Variants in PPP1R14C observed in about 807,000 individuals in gnomAD.
PPP1R14C encodes the protein protein phosphatase 1 regulatory inhibitor subunit 14C, also known as protein phosphatase 1 regulatory subunit 14C.
Under a neutral mutation model 20.4 loss-of-function variants are expected in PPP1R14C, and 16 were observed. The observed-to-expected ratio is 0.78, with a 90% CI of 0.53 to 1.19. The LOEUF is 1.19. Ranked by LOEUF, PPP1R14C falls within the 50% of genes most tolerant of loss-of-function variation. The pLI is 0.00. For missense variants in PPP1R14C, 211 were observed against 220.1 expected (o/e 0.96, Z 0.26); for synonymous variants, 91 against 91.0 (o/e 1.00, Z 0.00).
chr6:150,191,353 A>G (rs779864024), intron 1 of PPP1R14C, among the ~76,000 whole-genome samples: 1 of 152,232 alleles, frequency 6.6e-6, no homozygotes, highest in Non-Finnish European at 1.5e-5. Flanking sequence ...TTCCTGCTCT[A>G]TTCCCAGCAT....
chr6:150,216,031 T>C (rs1163343647), intron 2 of PPP1R14C, among the ~76,000 whole-genome samples: 2 of 152,218 alleles, frequency 1.3e-5, no homozygotes, highest in Non-Finnish European at 2.9e-5. Flanking sequence ...CCGGGTTATA[T>C]CCAGTTAATT....
At chr6:150,197,814 T>TG (rs1562266925) in intron 1 of PPP1R14C, among the ~76,000 whole-genome samples, 12 of 147,038 alleles carry the variant, frequency 8.2e-5, no homozygotes, top group East Asian at 4.2e-4. Context: ...TGTGTGCCCC[T>TG]GCCCTTCACG....
chr6:150,169,167 G>A (rs139248659), intron 1 of PPP1R14C, among the ~76,000 whole-genome samples: 2 of 152,146 alleles, frequency 1.3e-5, no homozygotes, highest in Non-Finnish European at 2.9e-5. Flanking sequence ...GTGAGCCACC[G>A]TGCCCAGCCT....
chr6:150,236,616 T>TGTGTGA (rs2114928533), intron 3 of PPP1R14C, among the ~76,000 whole-genome samples: 2 of 148,864 alleles, frequency 1.3e-5, no homozygotes, highest in East Asian at 3.9e-4. Flanking sequence ...GGTGCCACTG[T>TGTGTGA]GTGTGTGTGT....
chr6:150,151,131 A>G (rs1291731253), intron 1 of PPP1R14C, among the ~76,000 whole-genome samples: 1 of 151,958 alleles, frequency 6.6e-6, no homozygotes, highest in Admixed American at 6.6e-5. Context: ...TATGCGGACA[A>G]CGTGTGACTC....
At chr6:150,188,770 G>C (rs1464110960) in intron 1 of PPP1R14C, among the ~76,000 whole-genome samples, 1 of 151,960 alleles carries the variant, frequency 6.6e-6, no homozygotes, top group South Asian at 2.1e-4. Context: ...ATAGGTGTGA[G>C]CCACTGCGCC....
chr6:150,143,535 T>C lies in PPP1R14C; in HGVS notation c.306+37T>C, dbSNP rs1388044140. 3 of 1,355,622 alleles carry C rather than the reference T, an allele frequency of 2.2e-6. No individual in the cohort carries two copies. 84.0% of individuals were successfully genotyped at this position (1,355,622 alleles called of 1,614,324 possible). On this transcript the variant is annotated intron_variant, in intron 1 of 3. Transcript: ENST00000361131. The surrounding 1 kb of genome is among the most constrained non-coding windows in gnomAD (Gnocchi z 5.6). ...CGGGGCTGGGAGGGTCGGGGACCTC[T>C]CTAGCTCCTCTGTGCCCGCGCAGTA...
chr6:150,146,282 A>G (rs995525471), intron 1 of PPP1R14C, among the ~76,000 whole-genome samples: 5 of 152,164 alleles, frequency 3.3e-5, no homozygotes, highest in African/African-American at 1.2e-4. Context: ...TTGAGGATGA[A>G]CCCAGTCTGG....
intron 1 of PPP1R14C, among the ~76,000 whole-genome samples, chr6:150,206,396 G>A (rs140845761): frequency 0.011 from 1,639 of 152,286 alleles, 36 homozygotes; most frequent in African/African-American, 0.037. Context: ...GACAGTGCCT[G>A]GCAGGTAGTA....
chr6:150,143,082 G>C lies in PPP1R14C; in HGVS notation c.-111G>C. 1.8e-6 allele frequency: 2 copies of C among 1,112,218 alleles called. No homozygotes were observed. Among genetic ancestry groups the C allele is most frequent in the Non-Finnish European group, 2.2e-6 (2 of 916,334 alleles). The allele number at this position is 1,112,218 out of a possible 1,614,324, so 68.9% of individuals were successfully genotyped here. ...GGCTGGGCGCGCGCGGCGCAGAGCA[G>C]GTGCCGGGGAGCCCTTCGCATGCGG... On this transcript the variant is annotated 5_prime_UTR_variant, in exon 1 of 4. Coordinates refer to ENST00000361131, the MANE Select transcript of PPP1R14C (RefSeq NM_030949.3). This position sits in a 1 kb window ranked among gnomAD's most constrained non-coding sequence, Gnocchi z 5.6.
At chr6:150,212,992 A>G (rs923673399) in intron 1 of PPP1R14C, among the ~76,000 whole-genome samples, 1 of 152,132 alleles carries the variant, frequency 6.6e-6, no homozygotes, top group Non-Finnish European at 1.5e-5. Flanking sequence ...AAGCGTTTCA[A>G]CTTCCTGTTT....
At chr6:150,150,151 T>C (rs181141617) in intron 1 of PPP1R14C, among the ~76,000 whole-genome samples, 1 of 152,368 alleles carries the variant, frequency 6.6e-6, no homozygotes, top group East Asian at 1.9e-4. Flanking sequence ...TCCTTTATCA[T>C]AGACATGGCG....
intron 1 of PPP1R14C, among the ~76,000 whole-genome samples, chr6:150,208,719 G>A (rs1258943534): frequency 6.6e-6 from 1 of 152,140 alleles, no homozygotes; most frequent in East Asian, 1.9e-4. Flanking sequence ...GCTTCACTTG[G>A]CGTGAATGAG....
At chr6:150,200,171 G>GATATATATATATATATATATATAT (rs145406314) in intron 1 of PPP1R14C, among the ~76,000 whole-genome samples, 2 of 148,034 alleles carry the variant, frequency 1.4e-5, no homozygotes, top group East Asian at 4.0e-4. Context: ...GCTTTTATAG[G>GATATATATATATATATATATATAT]ATATATATAT....
At chr6:150,219,851 C>T (rs1778145338) in intron 3 of PPP1R14C, among the ~76,000 whole-genome samples, 1 of 148,346 alleles carries the variant, frequency 6.7e-6, no homozygotes, top group South Asian at 2.1e-4. Context: ...TGTATAAGAA[C>T]GGCTTGTTTT....
At chr6:150,247,248 C>T (rs116008489) in intron 3 of PPP1R14C, among the ~76,000 whole-genome samples, 122 of 152,270 alleles carry the variant, frequency 8.0e-4, no homozygotes, top group African/African-American at 2.8e-3. Flanking sequence ...GGTGTTTTTG[C>T]TCTCAGATAG....
chr6:150,143,300 C>T lies in PPP1R14C; in HGVS notation c.108C>T (p.Ser36=). ...GTGGCGCCGGTGGCAGCCCCGGCTC[C>T]AGCAGCGGCTCAGGCTCCTCCCGGG... ...PRGGAGGSPG[S]SSGSGSSRED... The change falls in exon 1 of 4, where the codon TCC becomes TCT. Residue 36 remains serine (S), a synonymous_variant. Transcript: ENST00000361131. This position sits in a 1 kb window ranked among gnomAD's most constrained non-coding sequence, Gnocchi z 5.6. 1 of 1,567,804 alleles carries T rather than the reference C, an allele frequency of 6.4e-7. No homozygotes were observed. Among genetic ancestry groups the T allele is most frequent in the Non-Finnish European group, 8.6e-7 (1 of 1,161,790 alleles).
chr6:150,178,239 T>G (rs1332385305), intron 1 of PPP1R14C, among the ~76,000 whole-genome samples: 1 of 152,076 alleles, frequency 6.6e-6, no homozygotes, highest in Non-Finnish European at 1.5e-5. Context: ...CTGGGAACAG[T>G]GGTAGTAGGT....
intron 1 of PPP1R14C, among the ~76,000 whole-genome samples, chr6:150,151,433 A>C (rs1308698734): frequency 6.6e-6 from 1 of 152,172 alleles, no homozygotes; most frequent in African/African-American, 2.4e-5. Flanking sequence ...CAGCTCTGGA[A>C]TATGAGTCCC....
Sources: allele counts gnomAD v4.1 joint callset (sites outside exome capture counted in the v4.1 genomes callset), GRCh38; gene constraint gnomAD v4.1.1; non-coding constraint Gnocchi (gnomAD v3.1); transcripts MANE v1.5; gene names NCBI Gene and HGNC (gene_info 2026-07-23, HGNC 2026-07-21).